Variants in GTF3C1 observed in about 807,000 individuals in gnomAD.
The protein encoded by GTF3C1 is general transcription factor 3C polypeptide 1.
GTF3C1 carries 57 observed loss-of-function variants against 226.7 expected under a neutral mutation model. The observed-to-expected ratio is 0.25, with a 90% CI of 0.20 to 0.31. The LOEUF (loss-of-function observed/expected upper bound fraction) is 0.31, where lower values mean the gene tolerates loss of function less well. GTF3C1 is among the 10% of genes least tolerant of loss of function. The pLI is 1.00. For missense variants in GTF3C1, 2,217 were observed against 2,776.1 expected, an observed-to-expected ratio of 0.80 and a Z score of 4.53; for synonymous variants, 1,090 against 1,084.8, an observed-to-expected ratio of 1.00 and a Z score of -0.09.
Position 27,469,650 on chromosome 16 carries a change from A to AGT in GTF3C1, c.4815-102_4815-101dup. On this transcript the variant is annotated intron_variant, in intron 31 of 36. Transcript: ENST00000356183. This position sits in a 1 kb window ranked among gnomAD's most constrained non-coding sequence, Gnocchi z 4.5. ...GAGGCCTCTGTGGCTGGGCTTCAGC[A>AGT]GTGGCCCCAGCAACTGGCTATGCTT... The AGT allele has an allele frequency of 7.6e-7, 1 of 1,320,684 alleles. No individual in the cohort carries two copies. Among genetic ancestry groups the AGT allele is most frequent in the African/African-American group, 1.5e-5 (1 of 68,878 alleles). 81.8% of individuals were successfully genotyped at this position (1,320,684 alleles called of 1,614,324 possible).
At chr16:27,502,324 C>T (rs573779470) in intron 11 of GTF3C1, among the ~76,000 whole-genome samples, 2 of 152,162 alleles carry the variant, frequency 1.3e-5, no homozygotes, top group African/African-American at 4.8e-5. Context: ...GCCTCAGAAG[C>T]GTTGAAGATG....
Position 27,495,365 on chromosome 16 carries a change from G to A in GTF3C1, c.2478C>T (p.Ile826=), listed in dbSNP as rs1428431882. 1 of 1,614,072 alleles carries A rather than the reference G, an allele frequency of 6.2e-7. No individual in the cohort carries two copies. Among genetic ancestry groups the A allele is most frequent in the Admixed American group, 1.7e-5 (1 of 60,012 alleles). ...ASNTVEKPSF[I]SERRTIKQES... is the part of the protein sequence containing the mutation. Reference sequence around the variant, plus strand: ...CCTGCTTTATCGTTCTCCGTTCACTGATGAAGCTTGGCTTCTCCACGGTGT... The same window carrying A: ...CCTGCTTTATCGTTCTCCGTTCACTAATGAAGCTTGGCTTCTCCACGGTGT... Residue 826 remains isoleucine (I), a synonymous_variant, in exon 15 of 37, where the codon ATC becomes ATT. Transcript: ENST00000356183.
chr16:27,476,896 T>C (rs372437182), intron 28 of GTF3C1, among the ~76,000 whole-genome samples: 2 of 152,218 alleles, frequency 1.3e-5, no homozygotes, highest in Non-Finnish European at 2.9e-5. Flanking sequence ...AAAGTGACTA[T>C]TGATTATCCA....
At chr16:27,539,649 C>A (rs1200852275) in intron 2 of GTF3C1, among the ~76,000 whole-genome samples, 2 of 152,168 alleles carry the variant, frequency 1.3e-5, no homozygotes, top group East Asian at 1.9e-4. Flanking sequence ...GAATGTGTCC[C>A]CTGAAAGTTC....
Position 27,461,995 on chromosome 16 carries a change from G to A in GTF3C1, c.6117+299C>T, listed in dbSNP as rs2087712255. Reference sequence around the variant, plus strand: ...CCAAGCAGGAAGCAGCTGCACCAGGGGGCAGCTGCTTGACCCGTGGGGCCC... The same window carrying A: ...CCAAGCAGGAAGCAGCTGCACCAGGAGGCAGCTGCTTGACCCGTGGGGCCC... On this transcript the variant is annotated intron_variant, in intron 36 of 36. Coordinates refer to ENST00000356183, the MANE Select transcript of GTF3C1 (RefSeq NM_001520.4). The surrounding 1 kb of genome is among the most constrained non-coding windows in gnomAD (Gnocchi z 5.3). 2.4e-6 allele frequency: 1 copy of A among 417,634 alleles called. No individual in the cohort carries two copies. Among genetic ancestry groups the A allele is most frequent in the Admixed American group, 3.8e-5 (1 of 26,596 alleles). 25.9% of individuals were successfully genotyped at this position (417,634 alleles called of 1,614,324 possible). A position where few individuals can be genotyped will look rare whatever the true frequency, so the allele number is the denominator to read the frequency against.
At chr16:27,549,208 T>G (rs143025074) in intron 1 of GTF3C1, among the ~76,000 whole-genome samples, 78 of 152,178 alleles carry the variant, frequency 5.1e-4, no homozygotes, top group African/African-American at 1.9e-3. Context: ...CTGATAAATG[T>G]CAGCTTTTAG....
At position 27,480,049 on chromosome 16, in the gene GTF3C1, A is replaced by T. The variant is rs563697299; in HGVS notation, c.4196+1030T>A. On this transcript the variant is annotated intron_variant, in intron 27 of 36. Coordinates refer to ENST00000356183, the MANE Select transcript of GTF3C1 (RefSeq NM_001520.4). ...CCCCGTCTCTACTAAAAATACAAAA[A>T]AATTAGCCAGGCCTGGTGGCGGGCG... Among the ~76,000 whole-genome samples, 428 of 152,040 alleles carry T rather than the reference A, an allele frequency of 2.8e-3. 3 individuals carry two copies. The highest frequency in any genetic ancestry group is 5.5e-3 in the Admixed American group (84 of 15,282).
At chr16:27,534,033 G>A (rs2088962232) in intron 4 of GTF3C1, among the ~76,000 whole-genome samples, 1 of 152,090 alleles carries the variant, frequency 6.6e-6, no homozygotes, top group African/African-American at 2.4e-5. Context: ...AGATCACTTG[G>A]TGAGGAAGGA....
rs1446142255 is a variant in GTF3C1 at position 27,489,589 on chromosome 16, G to A, written c.3293+13C>T. ...CCCAGTCCTGGCCGGCCGCGCTTGGGACGGACACGCACGTGGTGTACTCCA... is the reference window on the plus strand; with the variant it reads ...CCCAGTCCTGGCCGGCCGCGCTTGGAACGGACACGCACGTGGTGTACTCCA... On this transcript the variant is annotated intron_variant, in intron 20 of 36. Coordinates refer to ENST00000356183, the MANE Select transcript of GTF3C1 (RefSeq NM_001520.4). The A allele has an allele frequency of 6.3e-7, 1 of 1,598,586 alleles. No homozygotes were observed. The highest frequency in any genetic ancestry group is 1.3e-5 in the African/African-American group (1 of 74,934).
rs1238051261 is a variant in GTF3C1, at chr16:27,471,355, C to T, written c.4526+393G>A. Among the ~76,000 whole-genome samples the T allele has an allele frequency of 1.3e-5, 2 of 152,242 alleles. No individual in the cohort carries two copies. Among genetic ancestry groups the T allele is most frequent in the African/African-American group, 4.8e-5 (2 of 41,466 alleles). ...CCTCCGCACCCCAATCCTGCACTGGCTGTTGGTGCTGCGAATGGGCCCAGG... is the reference window on the plus strand; with the variant it reads ...CCTCCGCACCCCAATCCTGCACTGGTTGTTGGTGCTGCGAATGGGCCCAGG... On this transcript the variant is annotated intron_variant, in intron 30 of 36. Transcript: ENST00000356183. This position sits in a 1 kb window ranked among gnomAD's most constrained non-coding sequence, Gnocchi z 5.0.
At chr16:27,504,595 A>G (rs1254859404) in intron 10 of GTF3C1, among the ~76,000 whole-genome samples, 1 of 152,184 alleles carries the variant, frequency 6.6e-6, no homozygotes, top group Non-Finnish European at 1.5e-5. Context: ...CACAGACCAA[A>G]GCTCACATTG....
chr16:27,541,056 G>A (rs1011117501), intron 2 of GTF3C1, among the ~76,000 whole-genome samples: 1 of 152,130 alleles, frequency 6.6e-6, no homozygotes, highest in African/African-American at 2.4e-5. Flanking sequence ...GGCCAGGCTG[G>A]TCTTGAACTC....
In GTF3C1 at chr16:27,501,254, C is replaced by T. The variant is rs970977559; in HGVS notation, c.1998G>A (p.Leu666=). 22 of 1,614,038 alleles carry T rather than the reference C, an allele frequency of 1.4e-5. No individual in the cohort carries two copies. The highest frequency in any genetic ancestry group is 1.8e-5 in the Non-Finnish European group (21 of 1,179,994). ...KKSIVRLVRN[L]SEEGLLRLYR... ...ACAATCGCAAGAGACCTTCCTCAGA[C>T]AGGTTCCGCACCAAGCGGACAATGG... Residue 666 remains leucine, a synonymous_variant, in exon 12 of 37, where the codon CTG becomes CTA. Coordinates refer to ENST00000356183, the MANE Select transcript of GTF3C1 (RefSeq NM_001520.4).
At chr16:27,538,002 T>C (rs751602933) in intron 3 of GTF3C1, 75 bp from the exon 4 acceptor site, 13 of 1,499,426 alleles carry the variant, frequency 8.7e-6, no homozygotes, top group African/African-American at 2.8e-5. Context: ...CACTTGGACA[T>C]AAACACCAGA....
Position 27,469,890 on chromosome 16 carries a change from C to CT in GTF3C1, c.4814+217dup, listed in dbSNP as rs1258706787. On this transcript the variant is annotated intron_variant, in intron 31 of 36. Coordinates refer to ENST00000356183, the MANE Select transcript of GTF3C1 (RefSeq NM_001520.4). The surrounding 1 kb of genome is among the most constrained non-coding windows in gnomAD (Gnocchi z 4.5). ...CTCCCTTCTCTTCCCTGCCCCTCCC[C>CT]TGCCCCGCTGTGCTGCGTCCTTCTC... Among the ~76,000 whole-genome samples the CT allele has an allele frequency of 4.6e-5, 7 of 152,312 alleles. No homozygotes were observed. The East Asian group carries it at 1.4e-3, about 29-fold the overall frequency.
chr16:27,498,735 TG>T lies in GTF3C1; in HGVS notation c.2062-3del. On this transcript the variant is annotated splice_region_variant and splice_polypyrimidine_tract_variant and intron_variant, in intron 12 of 36. Coordinates refer to ENST00000356183, the MANE Select transcript of GTF3C1 (RefSeq NM_001520.4). The stretch of plus-strand genomic sequence containing the variant: ...GGACGGGTGCACCACCAGATCCACC[TG>T]GAGAGAGAGGTTGGAGCATCCCACA... 6.7e-7 allele frequency: 1 copy of T among 1,496,036 alleles called. No homozygotes were observed. Among genetic ancestry groups the T allele is most frequent in the Non-Finnish European group, 9.3e-7 (1 of 1,072,334 alleles). 92.7% of individuals were successfully genotyped at this position (1,496,036 alleles called of 1,614,324 possible). A position where few individuals can be genotyped will look rare whatever the true frequency, so the allele number is the denominator to read the frequency against.
chr16:27,540,439 C>T (rs897192260), intron 2 of GTF3C1, among the ~76,000 whole-genome samples: 2 of 152,198 alleles, frequency 1.3e-5, no homozygotes, highest in Admixed American at 1.3e-4. Flanking sequence ...TGGTTTGCTG[C>T]TTTTAAAACG....
At chr16:27,528,518 A>C (rs531572489) in intron 6 of GTF3C1, 80 bp downstream of exon 6, 1 of 977,314 alleles carries the variant, frequency 1.0e-6, no homozygotes, top group East Asian at 2.6e-5. Context: ...GAATGTGATC[A>C]GAGAGAGAGA....
chr16:27,513,649 C>A (rs1396095319), intron 6 of GTF3C1, among the ~76,000 whole-genome samples: 2 of 152,184 alleles, frequency 1.3e-5, no homozygotes, highest in African/African-American at 4.8e-5. Flanking sequence ...GGAAGGAACA[C>A]TGCCCCGCAA....
Sources: allele counts gnomAD v4.1 joint callset (sites outside exome capture counted in the v4.1 genomes callset), GRCh38; gene constraint gnomAD v4.1.1; non-coding constraint Gnocchi (gnomAD v3.1); transcripts MANE v1.5; gene names NCBI Gene and HGNC (gene_info 2026-07-23, HGNC 2026-07-21).